ITGA9: variants seen among roughly 807,000 people sequenced by gnomAD.
ITGA9 encodes the protein integrin subunit alpha 9, also known as integrin alpha-9.
In ITGA9, 56 loss-of-function variants were observed where a neutral mutation model predicts 127.8. The ratio of observed to expected loss-of-function variants is 0.44; its 90% CI spans 0.35 to 0.55. The LOEUF (loss-of-function observed/expected upper bound fraction) is 0.55, where lower values mean the gene tolerates loss of function less well. Ranked by LOEUF, ITGA9 falls within the 20% of genes least tolerant of loss-of-function variation. The pLI, the probability that ITGA9 is intolerant of heterozygous loss-of-function variation, is 0.00. For synonymous variants in ITGA9, 508 were observed against 514.5 expected (o/e 0.99, Z 0.17); for missense variants, 1,196 against 1,347.1 (o/e 0.89, Z 1.76).
In ITGA9 at chr3:37,452,429, G is replaced by T. The variant is rs1430912955; in HGVS notation, c.55G>T (p.Ala19Ser). The change falls in exon 1 of 28, where the codon GCG becomes TCG. Residue 19 changes from alanine to serine, a missense_variant. Physicochemically the swap from Ala to Ser is moderately conservative, Grantham distance 99. Transcript: ENST00000264741. This position sits in a 1 kb window ranked among gnomAD's most constrained non-coding sequence, Gnocchi z 7.3. ...GAGRLRALLL[A>S]LVVAGIPAGA... ...CGGGAGGCTCCGCGCGCTGCTGCTG[G>T]CGCTGGTGGTCGCGGGGATCCCCGC... The T allele has an allele frequency of 1.2e-5, 18 of 1,467,692 alleles. No individual in the cohort carries two copies. The highest frequency in any genetic ancestry group is 1.6e-5 in the Non-Finnish European group (18 of 1,108,056). The allele number at this position is 1,467,692 out of a possible 1,614,324, so 90.9% of individuals were successfully genotyped here.
chr3:37,822,306 A>G lies in ITGA9; in HGVS notation c.*3317A>G, dbSNP rs1374239538. On this transcript the variant is annotated 3_prime_UTR_variant, in exon 28 of 28. Transcript: ENST00000264741. ...GACCTTTGTAAAAATGGAGTAAAAC[A>G]GTGCCCCTTTTTTAAAAAAAGTTTT... The G allele has an allele frequency of 1.3e-5, 2 of 150,906 alleles. No individual in the cohort carries two copies. The highest frequency in any genetic ancestry group is 2.1e-4 in the South Asian group (1 of 4,834). The allele number at this position is 150,906 out of a possible 1,614,324, so 9.3% of individuals were successfully genotyped here. A position where few individuals can be genotyped will look rare whatever the true frequency, so the allele number is the denominator to read the frequency against.
At chr3:37,485,028 C>A (rs994452796) in intron 4 of ITGA9, among the ~76,000 whole-genome samples, 4 of 152,148 alleles carry the variant, frequency 2.6e-5, no homozygotes, top group Non-Finnish European at 5.9e-5. Flanking sequence ...GCCAGATAGA[C>A]AAAACCCAAG....
chr3:37,667,915 C>T (rs896035794), intron 17 of ITGA9, among the ~76,000 whole-genome samples: 4 of 152,144 alleles, frequency 2.6e-5, no homozygotes, highest in African/African-American at 9.7e-5. Flanking sequence ...GGGAACCTGG[C>T]CTGTCTTTAG....
intron 4 of ITGA9, 52 bp downstream of exon 4, chr3:37,481,659 C>T: frequency 6.2e-7 from 1 of 1,609,648 alleles, no homozygotes; most frequent in Non-Finnish European, 8.5e-7. Context: ...ATGCCCTAAG[C>T]CCGCCTTCCC....
At chr3:37,462,530 A>C (rs1034295035) in intron 1 of ITGA9, among the ~76,000 whole-genome samples, 1 of 152,180 alleles carries the variant, frequency 6.6e-6, no homozygotes, top group Admixed American at 6.5e-5. Context: ...GTCCAAGGTT[A>C]CCCAGCAAGT....
chr3:37,776,042 G>A (rs1696903449), intron 23 of ITGA9, among the ~76,000 whole-genome samples: 1 of 152,202 alleles, frequency 6.6e-6, no homozygotes, highest in Admixed American at 6.5e-5. Context: ...GAACATGGAT[G>A]GAGCTGGAGG....
At chr3:37,485,572 G>A (rs1450848191) in intron 4 of ITGA9, among the ~76,000 whole-genome samples, 2 of 152,140 alleles carry the variant, frequency 1.3e-5, no homozygotes, top group East Asian at 3.9e-4. Context: ...TTCTATAACT[G>A]TGGCCTCATG....
At chr3:37,800,369 A>G (rs906582773) in intron 26 of ITGA9, among the ~76,000 whole-genome samples, 1 of 152,194 alleles carries the variant, frequency 6.6e-6, no homozygotes, top group Admixed American at 6.5e-5. Context: ...ACATTTCCCT[A>G]TCAGACCGCC....
intron 10 of ITGA9, among the ~76,000 whole-genome samples, 174 bp downstream of exon 10, chr3:37,517,783 T>C (rs1244566516): frequency 1.3e-5 from 2 of 152,210 alleles, no homozygotes; most frequent in Non-Finnish European, 2.9e-5. Context: ...TTAGAGGTGC[T>C]CTCCCTGTAG....
intron 3 of ITGA9, among the ~76,000 whole-genome samples, chr3:37,474,749 G>A (rs1352632116): frequency 3.3e-5 from 5 of 152,222 alleles, no homozygotes; most frequent in Admixed American, 6.5e-5. Flanking sequence ...ACTAGCTGCC[G>A]CTTATGGAGG....
At chr3:37,777,067 G>A (rs944672558) in intron 23 of ITGA9, among the ~76,000 whole-genome samples, 5 of 152,160 alleles carry the variant, frequency 3.3e-5, no homozygotes, top group Admixed American at 3.3e-4. Flanking sequence ...TTGTAAGGAT[G>A]TTCTTAAGTG....
At chr3:37,649,526 A>C (rs1169637344) in intron 16 of ITGA9, among the ~76,000 whole-genome samples, 1 of 127,588 alleles carries the variant, frequency 7.8e-6, no homozygotes, top group Non-Finnish European at 1.8e-5. Flanking sequence ...AGGAAGACAT[A>C]ACAATTATAA....
At chr3:37,456,719 T>C (rs879904) in intron 1 of ITGA9, among the ~76,000 whole-genome samples, 49,358 of 152,128 alleles carry the variant, frequency 0.32, 8,285 homozygotes, top group Middle Eastern at 0.45. Context: ...GTTGTCAGAG[T>C]GTTGTTCAGT....
rs529075497 is a variant in ITGA9 at position 37,677,861 on chromosome 3, A to G, written c.1917-6004A>G. On this transcript the variant is annotated intron_variant, in intron 17 of 27. Transcript: ENST00000264741. ...CACATTGCAGGGGCTATTTACATGT[A>G]TGATTTGCATCATTGATTTTATGAT... is the stretch of plus-strand genomic sequence containing the variant. Among the ~76,000 whole-genome samples the G allele has an allele frequency of 3.9e-5, 6 of 152,388 alleles. No homozygotes were observed. In the East Asian group the frequency reaches 9.6e-4, roughly 24 times the overall value.
intron 6 of ITGA9, 65 bp from the exon 7 acceptor site, chr3:37,505,935 G>A: frequency 8.6e-7 from 1 of 1,160,456 alleles, no homozygotes; most frequent in Non-Finnish European, 1.3e-6. Flanking sequence ...TTCCTCTGAT[G>A]GATGTTTTTT....
At chr3:37,479,210 G>A (rs1698525752) in intron 3 of ITGA9, among the ~76,000 whole-genome samples, 2 of 152,190 alleles carry the variant, frequency 1.3e-5, no homozygotes, top group Non-Finnish European at 2.9e-5. Flanking sequence ...TAGCAGTATG[G>A]AGTGATTATT....
rs372655810 is a variant in ITGA9 at position 37,667,819 on chromosome 3, G to T, written c.1916+14029G>T. On this transcript the variant is annotated intron_variant, in intron 17 of 27. Coordinates refer to ENST00000264741, the MANE Select transcript of ITGA9 (RefSeq NM_002207.3). ...CAAAAAAATTAAATAGCAGAGGCAG[G>T]AGAAACACCTGGTGGGAGGCTCCAA... Among the ~76,000 whole-genome samples, 5 of 152,298 alleles carry T rather than the reference G, an allele frequency of 3.3e-5. No homozygotes were observed. In the East Asian group the frequency reaches 7.7e-4, roughly 24 times the overall value.
chr3:37,637,429 C>G (rs111942914), intron 16 of ITGA9, among the ~76,000 whole-genome samples: 56 of 152,140 alleles, frequency 3.7e-4, no homozygotes, highest in African/African-American at 1.3e-3. Context: ...ATTTGGCTCT[C>G]TGTTTGTCTG....
chr3:37,744,153 GGT>G (rs1696472642), intron 22 of ITGA9, 119 bp downstream of exon 22: 9 of 760,688 alleles, frequency 1.2e-5, no homozygotes, highest in East Asian at 2.5e-5. Context: ...TGGCTGGTGT[GGT>G]GTGTGTGTGA....
Sources: allele counts gnomAD v4.1 joint callset (sites outside exome capture counted in the v4.1 genomes callset), GRCh38; gene constraint gnomAD v4.1.1; non-coding constraint Gnocchi (gnomAD v3.1); transcripts MANE v1.5; gene names NCBI Gene and HGNC (gene_info 2026-07-23, HGNC 2026-07-21).